Variants in SPG11 observed in about 807,000 individuals in gnomAD.
The protein encoded by SPG11 is SPG11 vesicle trafficking associated, spatacsin, also known as spatacsin.
Under a neutral mutation model 274.0 loss-of-function variants are expected in SPG11, and 222 were observed. The ratio of observed to expected loss-of-function variants is 0.81; its 90% confidence interval spans 0.73 to 0.91. SPG11 has a LOEUF of 0.91. SPG11 is among the 40% of genes least tolerant of loss of function. The probability of loss-of-function intolerance (pLI) is 0.00; values close to 1 mark genes in which losing one functional copy is unlikely to be tolerated. For missense variants in SPG11, 3,114 were observed against 2,872.7 expected (o/e 1.08, Z -1.92); for synonymous variants, 1,144 against 1,039.7 (o/e 1.10, Z -1.93).
intron 4 of SPG11, among the ~76,000 whole-genome samples, chr15:44,654,260 A>AG (rs373208504): frequency 2.0e-5 from 3 of 152,342 alleles, no homozygotes; most frequent in African/African-American, 4.8e-5. Context: ...CTGTAATCCC[A>AG]GCACTTTGGG....
intron 28 of SPG11, among the ~76,000 whole-genome samples, chr15:44,586,644 A>G (rs1409107661): frequency 6.6e-6 from 1 of 152,098 alleles, no homozygotes; most frequent in African/African-American, 2.4e-5. Context: ...ACTCTGTCTC[A>G]AAAAGAAAAA....
chr15:44,628,594 TTC>T, intron 10 of SPG11, 73 bp downstream of exon 10: 1 of 1,346,260 alleles, frequency 7.4e-7, no homozygotes, highest in African/African-American at 1.4e-5. Context: ...AGAGTCTGAA[TTC>T]TGTTTCTTTC....
At chr15:44,588,970 C>T (rs1287165760) in intron 28 of SPG11, among the ~76,000 whole-genome samples, 1 of 152,100 alleles carries the variant, frequency 6.6e-6, no homozygotes, top group African/African-American at 2.4e-5. Context: ...TGGGTTGGAC[C>T]CCCACAACAG....
At chr15:44,573,110 C>T (rs1167278876) in intron 32 of SPG11, among the ~76,000 whole-genome samples, 1 of 151,426 alleles carries the variant, frequency 6.6e-6, no homozygotes, top group Non-Finnish European at 1.5e-5. Context: ...CCTCAGCCTC[C>T]TGAGTAGCTG....
intron 17 of SPG11, among the ~76,000 whole-genome samples, chr15:44,612,765 A>G (rs1406292668): frequency 6.6e-6 from 1 of 151,950 alleles, no homozygotes. Context: ...ATATTACTTC[A>G]TAATCAGCAT....
At chr15:44,565,108 T>C (rs1053580869) in intron 38 of SPG11, among the ~76,000 whole-genome samples, 1 of 152,232 alleles carries the variant, frequency 6.6e-6, no homozygotes, top group Non-Finnish European at 1.5e-5. Flanking sequence ...ATTAGCAGTA[T>C]GAGGAACAGT....
intron 8 of SPG11, among the ~76,000 whole-genome samples, chr15:44,630,230 C>T (rs2084019671): frequency 6.6e-6 from 1 of 152,212 alleles, no homozygotes; most frequent in Admixed American, 6.5e-5. Context: ...CAGCACTCCT[C>T]CCGCTGCCCC....
chr15:44,663,278 T>A, intron 1 of SPG11, 113 bp downstream of exon 1: 1 of 1,427,164 alleles, frequency 7.0e-7, no homozygotes, highest in Non-Finnish European at 9.6e-7. Context: ...CTGGCACCCT[T>A]CTCCCGCCAC....
intron 14 of SPG11, chr15:44,621,478 A>G: frequency 2.4e-6 from 1 of 413,306 alleles, no homozygotes; most frequent in South Asian, 2.3e-5. Context: ...CAAGAAGCTC[A>G]AGACTATTTG....
At chr15:44,607,623 T>TA in intron 19 of SPG11, among the ~76,000 whole-genome samples, 1 of 152,262 alleles carries the variant, frequency 6.6e-6, no homozygotes, top group African/African-American at 2.4e-5. Context: ...AGAATATGTG[T>TA]ATTCAGGGAA....
At chr15:44,617,926 T>C (rs1341196807) in intron 15 of SPG11, among the ~76,000 whole-genome samples, 2 of 152,150 alleles carry the variant, frequency 1.3e-5, no homozygotes, top group Admixed American at 1.3e-4. Context: ...TCTGCCTACC[T>C]CAGCCTCCCA....
chr15:44,591,407 G>A (rs1302568411), intron 27 of SPG11, among the ~76,000 whole-genome samples: 5 of 152,064 alleles, frequency 3.3e-5, no homozygotes, highest in Non-Finnish European at 7.4e-5. Flanking sequence ...AAAATTAGCT[G>A]GGATTAGGGC....
At chr15:44,631,429 A>C (rs1380980266) in intron 8 of SPG11, among the ~76,000 whole-genome samples, 1 of 152,210 alleles carries the variant, frequency 6.6e-6, no homozygotes, top group Non-Finnish European at 1.5e-5. Flanking sequence ...TAAAGATCTC[A>C]ATTGGTTTTA....
intron 29 of SPG11, 61 bp from the exon 30 acceptor site, chr15:44,584,619 A>C: frequency 6.4e-7 from 1 of 1,570,958 alleles, no homozygotes; most frequent in Non-Finnish European, 8.6e-7. Flanking sequence ...CATAAATGCT[A>C]ATGTTCCCTA....
At chr15:44,615,661 T>C in intron 15 of SPG11, 95 bp from the exon 16 acceptor site, 1 of 1,099,680 alleles carries the variant, frequency 9.1e-7, no homozygotes, top group East Asian at 2.5e-5. Flanking sequence ...TACTTAAAAA[T>C]AAGCATTTAC....
chr15:44,621,438 A>G lies in SPG11; in HGVS notation c.2620+321T>C, dbSNP rs551531744. On this transcript the variant is annotated intron_variant, in intron 14 of 39. Coordinates refer to ENST00000261866, the MANE Select transcript of SPG11 (RefSeq NM_025137.4). ...CTGTTAGTTATGACCCAGATCCCCC[A>G]TATCAGATGGCATAGATCCCCAATT... 6 of 330,426 alleles carry G rather than the reference A, an allele frequency of 1.8e-5. No homozygotes were observed. The East Asian group carries it at 4.5e-4, about 25-fold the overall frequency. The allele number at this position is 330,426 out of a possible 1,614,324, so 20.5% of individuals were successfully genotyped here.
At chr15:44,617,668 T>C (rs1595886106) in intron 15 of SPG11, among the ~76,000 whole-genome samples, 1 of 152,234 alleles carries the variant, frequency 6.6e-6, no homozygotes, top group Admixed American at 6.5e-5. Context: ...TTCTTAACCC[T>C]CTAATTTCTT....
At position 44,566,026 on chromosome 15, in the gene SPG11, G is replaced by C. The variant is rs1404731754; in HGVS notation, c.6844-17C>G. ...ACAGGAGTCCTGAGGAACAAGGGTGGAGAGGCACAGTAGAGAAAGACCTAG... is the reference window on the plus strand; with the variant it reads ...ACAGGAGTCCTGAGGAACAAGGGTGCAGAGGCACAGTAGAGAAAGACCTAG... On this transcript the variant is annotated splice_polypyrimidine_tract_variant and intron_variant, in intron 37 of 39. Transcript: ENST00000261866. 6.2e-7 allele frequency: 1 copy of C among 1,613,152 alleles called. No individual in the cohort carries two copies. The highest frequency in any genetic ancestry group is 8.5e-7 in the Non-Finnish European group (1 of 1,180,012).
At chr15:44,599,022 C>T (rs2083116651) in intron 21 of SPG11, among the ~76,000 whole-genome samples, 186 bp from the exon 22 acceptor site, 1 of 152,180 alleles carries the variant, frequency 6.6e-6, no homozygotes, top group Non-Finnish European at 1.5e-5. Flanking sequence ...TGTCTTTTGG[C>T]CCAAGAGCCC....
Sources: allele counts gnomAD v4.1 joint callset (sites outside exome capture counted in the v4.1 genomes callset), GRCh38; gene constraint gnomAD v4.1.1; transcripts MANE v1.5; gene names NCBI Gene and HGNC (gene_info 2026-07-23, HGNC 2026-07-21).